Variants in RPRD1A observed in about 807,000 individuals in gnomAD.
The protein encoded by RPRD1A is regulation of nuclear pre-mRNA domain containing 1A.
A neutral mutation model predicts 37.8 loss-of-function variants in RPRD1A; 9 were observed. That is an observed-to-expected ratio of 0.24 (90% CI 0.14 to 0.42). The LOEUF (loss-of-function observed/expected upper bound fraction) is 0.42. Ranked by LOEUF, RPRD1A falls within the 10% of genes least tolerant of loss-of-function variation. The pLI is 1.00. For synonymous variants in RPRD1A, 138 were observed against 139.7 expected, an observed-to-expected ratio of 0.99 and a Z score of 0.08; for missense variants, 255 against 371.0, an observed-to-expected ratio of 0.69 and a Z score of 2.57.
At chr18:35,995,501 C>T (rs997366977) in intron 6 of RPRD1A, among the ~76,000 whole-genome samples, 4 of 152,134 alleles carry the variant, frequency 2.6e-5, no homozygotes, top group African/African-American at 7.2e-5. Context: ...TTCCCGACCT[C>T]AGGAGATCCA....
chr18:36,031,260 T>C (rs1598633561), intron 2 of RPRD1A, among the ~76,000 whole-genome samples, 163 bp from the exon 3 acceptor site: 1 of 152,152 alleles, frequency 6.6e-6, no homozygotes, highest in Non-Finnish European at 1.5e-5. Flanking sequence ...AGCTCAAAAG[T>C]GAAGTGATCT....
At position 35,992,417 on chromosome 18, in the gene RPRD1A, G is replaced by A. The variant is rs1341789721; in HGVS notation, c.*734C>T. On this transcript the variant is annotated 3_prime_UTR_variant, in exon 7 of 7. Coordinates refer to ENST00000399022, the MANE Select transcript of RPRD1A (RefSeq NM_018170.5). ...TGTCCTCTTGGTAGAATGTCAAAAT[G>A]TATATTATTTCCAAAGTATTTTCAT... 1 of 152,104 alleles carries A rather than the reference G, an allele frequency of 6.6e-6. No homozygotes were observed. Among genetic ancestry groups the A allele is most frequent in the African/African-American group, 2.4e-5 (1 of 41,436 alleles). The allele number at this position is 152,104 out of a possible 1,614,324, so 9.4% of individuals were successfully genotyped here.
chr18:36,004,881 C>G (rs536615635), intron 6 of RPRD1A, among the ~76,000 whole-genome samples: 15 of 151,916 alleles, frequency 9.9e-5, no homozygotes, highest in African/African-American at 3.4e-4. Flanking sequence ...TCAGCCTGGG[C>G]AACAGATTGA....
intron 6 of RPRD1A, among the ~76,000 whole-genome samples, chr18:36,024,197 AG>A (rs1034440295): frequency 6.6e-6 from 1 of 151,928 alleles, no homozygotes; most frequent in African/African-American, 2.4e-5. Context: ...CCCAGTCTGG[AG>A]GGCAGTGGTG....
In RPRD1A at chr18:35,991,468, A is replaced by C. The variant is rs919688640; in HGVS notation, c.*1683T>G. On this transcript the variant is annotated 3_prime_UTR_variant, in exon 7 of 7. Transcript: ENST00000399022. ...TAGAGCAGTGTTACAAATGCTGGTC[A>C]GGATCTATGATTAGTAACCTGTGAA... The C allele has an allele frequency of 6.6e-6, 1 of 152,218 alleles. No homozygotes were observed. Among genetic ancestry groups the C allele is most frequent in the African/African-American group, 2.4e-5 (1 of 41,450 alleles). The allele number at this position is 152,218 out of a possible 1,614,324, so 9.4% of individuals were successfully genotyped here. A position where few individuals can be genotyped will look rare whatever the true frequency, so the allele number is the denominator to read the frequency against.
In RPRD1A at chr18:35,991,561, T is replaced by C. The variant is rs567048556; in HGVS notation, c.*1590A>G. 6.6e-6 allele frequency: 1 copy of C among 152,340 alleles called. No individual in the cohort carries two copies. The highest frequency in any genetic ancestry group is 2.4e-5 in the African/African-American group (1 of 41,574). 9.4% of individuals were successfully genotyped at this position (152,340 alleles called of 1,614,324 possible). A position where few individuals can be genotyped will look rare whatever the true frequency, so the allele number is the denominator to read the frequency against. ...TTCCCAGGTGAGCTATCAGCGGTAGTGTTAGGGAACCTAACTACTATTCTT... is the reference window on the plus strand; with the variant it reads ...TTCCCAGGTGAGCTATCAGCGGTAGCGTTAGGGAACCTAACTACTATTCTT... On this transcript the variant is annotated 3_prime_UTR_variant, in exon 7 of 7. Transcript: ENST00000399022.
chr18:36,038,931 C>T (rs1912386517), intron 1 of RPRD1A, among the ~76,000 whole-genome samples: 1 of 152,166 alleles, frequency 6.6e-6, no homozygotes, highest in African/African-American at 2.4e-5. Flanking sequence ...TATGATACCC[C>T]CGTTGTATCT....
At chr18:36,028,041 C>T (rs1911502674) in intron 4 of RPRD1A, 1 of 151,980 alleles carries the variant, frequency 6.6e-6, no homozygotes, top group Admixed American at 6.6e-5. Context: ...GATTTCACAA[C>T]TCATAATGTC....
Position 35,991,155 on chromosome 18 carries a change from T to G in RPRD1A, c.*1996A>C, listed in dbSNP as rs1482334585. On this transcript the variant is annotated 3_prime_UTR_variant, in exon 7 of 7. Transcript: ENST00000399022. ...GAGTACATAGTTTATAAATTAGTTT[T>G]AAATGGAAAAAAATATATATTTTGA... 6.6e-6 allele frequency: 1 copy of G among 152,160 alleles called. No individual in the cohort carries two copies. The highest frequency in any genetic ancestry group is 2.4e-5 in the African/African-American group (1 of 41,440). 9.4% of individuals were successfully genotyped at this position (152,160 alleles called of 1,614,324 possible).
intron 1 of RPRD1A, among the ~76,000 whole-genome samples, chr18:36,054,464 C>A (rs1342618331): frequency 4.6e-5 from 7 of 152,142 alleles, no homozygotes; most frequent in Non-Finnish European, 8.8e-5. Flanking sequence ...GCACTCCAGC[C>A]TGGGCAACAG....
At chr18:36,005,651 G>A (rs556719204) in intron 6 of RPRD1A, among the ~76,000 whole-genome samples, 1 of 152,268 alleles carries the variant, frequency 6.6e-6, no homozygotes, top group Non-Finnish European at 1.5e-5. Context: ...AAATCATTAA[G>A]TTTGAAATCC....
At chr18:36,014,307 T>A (rs1437365670) in intron 6 of RPRD1A, among the ~76,000 whole-genome samples, 2 of 152,242 alleles carry the variant, frequency 1.3e-5, no homozygotes, top group South Asian at 2.1e-4. Context: ...AACTATCTCA[T>A]CTTTCAGGAA....
At chr18:36,018,045 A>T (rs1207966420) in intron 6 of RPRD1A, among the ~76,000 whole-genome samples, 1 of 152,234 alleles carries the variant, frequency 6.6e-6, no homozygotes, top group East Asian at 1.9e-4. Context: ...CCTTTGTTCA[A>T]AATGCTCAAC....
In RPRD1A at chr18:35,993,201, C is replaced by T; in HGVS notation, c.889G>A (p.Gly297Ser). ...GCAAAGGGCAGGTGCATGTGGCTGC[C>T]AGTGACATTGGGCAATCGAGATAAG... ...PDLSRLPNVT[G>S]SHMHLPFAGD... Residue 297 changes from glycine (G) to serine (S), a missense_variant, in exon 7 of 7, where the codon GGC becomes AGC. Physicochemically the swap from Gly to Ser is moderately conservative, Grantham distance 56. Around this residue, in one of 2 missense-constraint regions of RPRD1A, gnomAD observed 211 missense variants for 268.9 expected, o/e 0.78. Coordinates refer to ENST00000399022, the MANE Select transcript of RPRD1A (RefSeq NM_018170.5). 1 of 1,614,162 alleles carries T rather than the reference C, an allele frequency of 6.2e-7. No homozygotes were observed. Among genetic ancestry groups the T allele is most frequent in the East Asian group, 2.2e-5 (1 of 44,882 alleles).
chr18:35,997,420 TTGAA>T (rs1909140016), intron 6 of RPRD1A, among the ~76,000 whole-genome samples: 1 of 152,250 alleles, frequency 6.6e-6, no homozygotes, highest in Admixed American at 6.5e-5. Context: ...ATTCTATCAT[TTGAA>T]TGGTTAAACC....
rs370739633 is a variant in RPRD1A at position 36,027,138 on chromosome 18, C to T, written c.613+46G>A. On this transcript the variant is annotated intron_variant, in intron 5 of 6. Transcript: ENST00000399022. ...AAAACAATGACATATGCTGTTCTCT[C>T]ATCCCAACTCCCAAAAAAGTTCTGG... is the stretch of plus-strand genomic sequence containing the variant. The T allele has an allele frequency of 4.3e-6, 7 of 1,612,470 alleles. No homozygotes were observed. In the African/African-American group the frequency reaches 9.4e-5, roughly 22 times the overall value.
intron 6 of RPRD1A, among the ~76,000 whole-genome samples, chr18:35,997,392 CAAA>C (rs1169065563): frequency 6.6e-6 from 1 of 151,866 alleles, no homozygotes; most frequent in Non-Finnish European, 1.5e-5. Context: ...AATGAAATGT[CAAA>C]AAAGAGGGAA....
At chr18:36,022,570 C>T (rs1418602120) in intron 6 of RPRD1A, among the ~76,000 whole-genome samples, 3 of 152,214 alleles carry the variant, frequency 2.0e-5, no homozygotes, top group Non-Finnish European at 4.4e-5. Flanking sequence ...GCTAAATTTA[C>T]TCTGCCTGTG....
intron 1 of RPRD1A, among the ~76,000 whole-genome samples, chr18:36,049,031 A>G (rs2144368672): frequency 6.6e-6 from 1 of 152,278 alleles, no homozygotes; most frequent in South Asian, 2.1e-4. Flanking sequence ...CCTCCCAAGT[A>G]GCTGTGATTA....
Sources: allele counts gnomAD v4.1 joint callset (sites outside exome capture counted in the v4.1 genomes callset), GRCh38; gene constraint gnomAD v4.1.1; regional missense constraint gnomAD v4.1.1; transcripts MANE v1.5; gene names NCBI Gene and HGNC (gene_info 2026-07-23, HGNC 2026-07-21).